Variants in MRTFB observed in about 807,000 individuals in gnomAD.
The protein encoded by MRTFB is myocardin related transcription factor B.
In MRTFB, 29 loss-of-function variants were observed where a neutral mutation model predicts 104.2. The ratio of observed to expected loss-of-function variants is 0.28; its 90% confidence interval spans 0.21 to 0.38. The LOEUF (loss-of-function observed/expected upper bound fraction) is 0.38. Among genes scored for constraint, MRTFB ranks in the 10% least tolerant of loss-of-function variants. The probability of loss-of-function intolerance (pLI) is 1.00; values close to 1 mark genes in which losing one functional copy is unlikely to be tolerated. For missense variants in MRTFB, 1,270 were observed against 1,341.6 expected, an observed-to-expected ratio of 0.95 and a Z score of 0.83; for synonymous variants, 535 against 519.5, an observed-to-expected ratio of 1.03 and a Z score of -0.41.
intron 3 of MRTFB, among the ~76,000 whole-genome samples, chr16:14,155,846 A>C (rs1380525943): frequency 6.6e-6 from 1 of 152,182 alleles, no homozygotes; most frequent in Non-Finnish European, 1.5e-5. Flanking sequence ...CTCTGTGTAC[A>C]TACAGCTTAG....
At chr16:14,201,636 G>T (rs1349713407) in intron 3 of MRTFB, among the ~76,000 whole-genome samples, 4 of 152,170 alleles carry the variant, frequency 2.6e-5, no homozygotes, top group Non-Finnish European at 5.9e-5. Flanking sequence ...GGAATACCCA[G>T]AGATTGCTGC....
intron 2 of MRTFB, among the ~76,000 whole-genome samples, chr16:14,105,022 G>C (rs1222305712): frequency 1.3e-5 from 2 of 152,092 alleles, no homozygotes; most frequent in Non-Finnish European, 2.9e-5. Context: ...GGAGGGAGTG[G>C]ATGAAAGTAC....
chr16:14,193,307 G>A (rs549659435), intron 3 of MRTFB, among the ~76,000 whole-genome samples: 7 of 146,910 alleles, frequency 4.8e-5, no homozygotes, highest in African/African-American at 7.5e-5. Context: ...ATTGATTTCC[G>A]TTGTACTTGG....
At chr16:14,088,212 G>A (rs1157591820) in intron 2 of MRTFB, among the ~76,000 whole-genome samples, 1 of 152,170 alleles carries the variant, frequency 6.6e-6, no homozygotes, top group Non-Finnish European at 1.5e-5. Flanking sequence ...AGAGCAGTGC[G>A]GAATTTTATG....
the MRTFB span, among the ~76,000 whole-genome samples, chr16:14,005,062 C>T: frequency 2.6e-5 from 4 of 152,244 alleles, no homozygotes; most frequent in Non-Finnish European, 5.9e-5. Flanking sequence ...GGGAAGGCTA[C>T]ATCCAGATCC....
chr16:14,260,128 C>T (rs1006599942), intron 16 of MRTFB, among the ~76,000 whole-genome samples: 2 of 152,146 alleles, frequency 1.3e-5, no homozygotes, highest in African/African-American at 4.8e-5. Flanking sequence ...AGGAATAACA[C>T]ATAATGAAGA....
chr16:14,074,634 T>A (rs889470114), intron 1 of MRTFB, among the ~76,000 whole-genome samples: 1 of 152,296 alleles, frequency 6.6e-6, no homozygotes, highest in African/African-American at 2.4e-5. Context: ...GATGGCATCT[T>A]AGAGTCAATG....
At chr16:14,249,324 A>G (rs971046307) in intron 13 of MRTFB, among the ~76,000 whole-genome samples, 4 of 152,218 alleles carry the variant, frequency 2.6e-5, no homozygotes, top group African/African-American at 9.6e-5. Flanking sequence ...CCCCTTTTCC[A>G]AGGGAAAGTT....
the MRTFB span, among the ~76,000 whole-genome samples, chr16:14,011,538 T>C: frequency 6.6e-6 from 1 of 152,254 alleles, no homozygotes. Context: ...TAATGTGCAC[T>C]GTGAATCCCT....
At chr16:14,127,657 A>T (rs1394844385) in intron 2 of MRTFB, among the ~76,000 whole-genome samples, 26 of 150,584 alleles carry the variant, frequency 1.7e-4, no homozygotes, top group South Asian at 4.2e-4. Context: ...AAAAAAAAAA[A>T]AAATAATGAC....
chr16:14,247,700 A>G (rs2043084091), intron 12 of MRTFB, 193 bp downstream of exon 12: 1 of 597,648 alleles, frequency 1.7e-6, no homozygotes, highest in Non-Finnish European at 2.9e-6. Flanking sequence ...TGAAAAAAAC[A>G]CAGGATGCTT....
the MRTFB span, among the ~76,000 whole-genome samples, chr16:14,028,304 G>T: frequency 6.6e-6 from 1 of 152,164 alleles, no homozygotes; most frequent in Non-Finnish European, 1.5e-5. Flanking sequence ...CAAAAAAGAG[G>T]CCAGACCCAG....
At chr16:14,146,672 A>G (rs2038334340) in intron 3 of MRTFB, among the ~76,000 whole-genome samples, 1 of 152,200 alleles carries the variant, frequency 6.6e-6, no homozygotes, top group South Asian at 2.1e-4. Context: ...ATAGAAAATG[A>G]ATGGCATATA....
intron 2 of MRTFB, among the ~76,000 whole-genome samples, chr16:14,087,626 G>A (rs1331253279): frequency 8.5e-5 from 13 of 152,188 alleles, no homozygotes; most frequent in Admixed American, 8.5e-4. Context: ...GTTTGTGTAT[G>A]TTAAACTCAG....
intron 13 of MRTFB, 106 bp downstream of exon 13, chr16:14,249,187 C>A: frequency 2.3e-6 from 3 of 1,312,694 alleles, no homozygotes; most frequent in South Asian, 1.5e-5. Flanking sequence ...CCTGTTCATT[C>A]TTTTCTGTGA....
chr16:14,139,072 C>G (rs2037866698), intron 2 of MRTFB, among the ~76,000 whole-genome samples: 1 of 152,102 alleles, frequency 6.6e-6, no homozygotes, highest in African/African-American at 2.4e-5. Flanking sequence ...AAAAATTGAT[C>G]ATTAGTGGAT....
intron 3 of MRTFB, among the ~76,000 whole-genome samples, chr16:14,181,325 T>A (rs1425858731): frequency 6.6e-6 from 1 of 152,170 alleles, no homozygotes; most frequent in African/African-American, 2.4e-5. Flanking sequence ...AATATGTATT[T>A]TACTAAAAAT....
chr16:14,146,727 C>T (rs2038337694), intron 3 of MRTFB, among the ~76,000 whole-genome samples: 1 of 152,090 alleles, frequency 6.6e-6, no homozygotes, highest in African/African-American at 2.4e-5. Context: ...AAAGCATTTC[C>T]CTGCTTCTCA....
rs1398914566 is a variant in MRTFB at position 14,140,691 on chromosome 16, G to A, written c.85G>A (p.Ala29Thr). Residue 29 changes from alanine (A) to threonine (T), a missense_variant, in exon 3 of 17, where the codon GCT becomes ACT. Ala to Thr is a moderately conservative substitution (Grantham distance 58). This residue lies in a region of MRTFB where 62 missense variants were observed against 57.2 expected (regional missense o/e 1.08). Transcript: ENST00000571589. ...TCCAAGTCCTCAGAGTGAAGCTGTG[G>A]CTCATGAATTCCAGGAACTCTCCTT... ...LAPSPQSEAV[A>T]HEFQELSLQS... is the part of the protein sequence containing the mutation. 1 of 1,614,008 alleles carries A rather than the reference G, an allele frequency of 6.2e-7. No homozygotes were observed.
Sources: allele counts gnomAD v4.1 joint callset (sites outside exome capture counted in the v4.1 genomes callset), GRCh38; gene constraint gnomAD v4.1.1; regional missense constraint gnomAD v4.1.1; transcripts MANE v1.5; gene names NCBI Gene and HGNC (gene_info 2026-07-23, HGNC 2026-07-21).